RMDN2: variants seen among roughly 807,000 people sequenced by gnomAD.
The protein encoded by RMDN2 is regulator of microtubule dynamics protein 2.
A neutral mutation model predicts 52.8 loss-of-function variants in RMDN2; 61 were observed. The ratio of observed to expected loss-of-function variants is 1.16; its 90% confidence interval spans 0.94 to 1.43. The LOEUF is 1.43. RMDN2 is among the 40% of genes most tolerant of loss of function. The pLI, the probability that RMDN2 is intolerant of heterozygous loss-of-function variation, is 0.00. For synonymous variants in RMDN2, 180 were observed against 153.1 expected (o/e 1.18, Z -1.30); for missense variants, 592 against 475.3 (o/e 1.25, Z -2.28).
At chr2:38,060,959 C>T (rs1433485147) in intron 10 of RMDN2, among the ~76,000 whole-genome samples, 2 of 152,138 alleles carry the variant, frequency 1.3e-5, no homozygotes, top group Non-Finnish European at 2.9e-5. Context: ...AAAGGCTAGA[C>T]ATAGTGTAGA....
chr2:38,017,301 T>A lies in RMDN2; in HGVS notation c.*62T>A, dbSNP rs1284140883. The A allele has an allele frequency of 1.9e-5, 28 of 1,470,652 alleles. No individual in the cohort carries two copies. The highest frequency in any genetic ancestry group is 2.4e-5 in the Non-Finnish European group (27 of 1,107,074). The allele number at this position is 1,470,652 out of a possible 1,614,324, so 91.1% of individuals were successfully genotyped here. A position where few individuals can be genotyped will look rare whatever the true frequency, so the allele number is the denominator to read the frequency against. On this transcript the variant is annotated 3_prime_UTR_variant, in exon 11 of 11. Transcript: ENST00000354545. ...CTACCAAAATTTAAATGAATCAAAG[T>A]TGTGCTTTTATTATCCTTCATTTTT...
chr2:37,988,409 C>G (rs1450599278), intron 5 of RMDN2, among the ~76,000 whole-genome samples: 5 of 152,038 alleles, frequency 3.3e-5, no homozygotes, highest in East Asian at 1.9e-4. Context: ...TGATATGGTC[C>G]TCCTCCTTGC....
chr2:38,050,298 C>T (rs1681510450), intron 10 of RMDN2, among the ~76,000 whole-genome samples: 1 of 151,890 alleles, frequency 6.6e-6, no homozygotes. Flanking sequence ...TTCTGTCTCC[C>T]TGCTGCACCA....
chr2:38,033,425 G>A (rs1044439714), intron 10 of RMDN2, among the ~76,000 whole-genome samples: 1 of 152,092 alleles, frequency 6.6e-6, no homozygotes, highest in African/African-American at 2.4e-5. Context: ...GTTGGAAGGG[G>A]GATGAAAGTC....
intron 10 of RMDN2, among the ~76,000 whole-genome samples, chr2:38,044,221 C>T (rs947180152): frequency 4.6e-5 from 7 of 151,934 alleles, no homozygotes; most frequent in Admixed American, 1.3e-4. Context: ...ATTTTACACT[C>T]TTCTTCCTTG....
At position 37,929,507 on chromosome 2, in the gene RMDN2, A is replaced by G; in HGVS notation, c.230A>G (p.Glu77Gly). The G allele has an allele frequency of 6.4e-7, 1 of 1,551,150 alleles. No individual in the cohort carries two copies. The highest frequency in any genetic ancestry group is 8.7e-7 in the Non-Finnish European group (1 of 1,146,316). Residue 77 changes from glutamate to glycine, a missense_variant, in exon 2 of 11, where the codon GAG (glutamate) becomes GGG (glycine). Physicochemically the swap from Glu to Gly is moderately conservative, Grantham distance 98. Coordinates refer to ENST00000354545, the MANE Select transcript of RMDN2 (RefSeq NM_001170791.3). ...IFQERQLQILEKLNELLTNME... is the reference protein window; with the variant it reads ...IFQERQLQILGKLNELLTNME... ...CAAGAAAGGCAACTTCAGATACTGGAGAAGTTAAACGAATTACTGACAAAT... is the reference window on the plus strand; with the variant it reads ...CAAGAAAGGCAACTTCAGATACTGGGGAAGTTAAACGAATTACTGACAAAT...
chr2:38,007,525 T>A (rs1281123051), intron 10 of RMDN2, among the ~76,000 whole-genome samples: 1 of 152,230 alleles, frequency 6.6e-6, no homozygotes, highest in African/African-American at 2.4e-5. Context: ...GATGGTAGTT[T>A]GTATTTCTGT....
At chr2:38,029,443 CTTCG>C (rs1202957404) in intron 10 of RMDN2, 1 of 151,936 alleles carries the variant, frequency 6.6e-6, no homozygotes, top group African/African-American at 2.4e-5. Context: ...TTTTTTGCAT[CTTCG>C]TTTAGTTTGA....
At chr2:37,990,551 T>A (rs1016566354) in intron 6 of RMDN2, among the ~76,000 whole-genome samples, 1 of 147,968 alleles carries the variant, frequency 6.8e-6, no homozygotes, top group Non-Finnish European at 1.5e-5. Context: ...AAAGGCCTTT[T>A]GGTCATAAGC....
chr2:38,029,403 G>A (rs1322055267), intron 10 of RMDN2: 1 of 152,054 alleles, frequency 6.6e-6, no homozygotes, highest in Non-Finnish European at 1.5e-5. Flanking sequence ...AGCCAGTTGT[G>A]CTCTCACCCA....
At chr2:38,049,596 A>C (rs1681467632) in intron 10 of RMDN2, among the ~76,000 whole-genome samples, 1 of 152,206 alleles carries the variant, frequency 6.6e-6, no homozygotes, top group South Asian at 2.1e-4. Flanking sequence ...TTTTAGAGCC[A>C]AGGTCTCACT....
At chr2:37,963,724 C>T (rs899150454) in intron 2 of RMDN2, among the ~76,000 whole-genome samples, 5 of 152,254 alleles carry the variant, frequency 3.3e-5, no homozygotes, top group African/African-American at 1.2e-4. Flanking sequence ...TCTTTCTACA[C>T]AGACACAGCA....
At position 38,017,311 on chromosome 2, in the gene RMDN2, A is replaced by T. The variant is rs371054401; in HGVS notation, c.*72A>T. On this transcript the variant is annotated 3_prime_UTR_variant, in exon 11 of 11. Coordinates refer to ENST00000354545, the MANE Select transcript of RMDN2 (RefSeq NM_001170791.3). ...TTAAATGAATCAAAGTTGTGCTTTT[A>T]TTATCCTTCATTTTTGATGTAAGGG... is the stretch of plus-strand genomic sequence containing the variant. 22 of 1,457,062 alleles carry T rather than the reference A, an allele frequency of 1.5e-5. No homozygotes were observed. The highest frequency in any genetic ancestry group is 9.1e-6 in the Non-Finnish European group (10 of 1,100,318). 90.3% of individuals were successfully genotyped at this position (1,457,062 alleles called of 1,614,324 possible).
chr2:37,977,850 C>T (rs944560560), intron 4 of RMDN2, among the ~76,000 whole-genome samples: 1 of 151,626 alleles, frequency 6.6e-6, no homozygotes, highest in East Asian at 1.9e-4. Context: ...GGCGGCCGGG[C>T]AGAGGGGCTC....
chr2:37,962,440 A>T (rs1313373406), intron 2 of RMDN2, among the ~76,000 whole-genome samples: 2 of 152,276 alleles, frequency 1.3e-5, no homozygotes, highest in East Asian at 3.9e-4. Flanking sequence ...GCTTTGCTGC[A>T]CTGCAGTGGG....
intron 5 of RMDN2, among the ~76,000 whole-genome samples, chr2:37,989,228 G>T (rs1207527294): frequency 6.6e-6 from 1 of 152,130 alleles, no homozygotes; most frequent in Non-Finnish European, 1.5e-5. Flanking sequence ...TATTGATGAT[G>T]ATGATAGCGG....
chr2:38,017,150 A>G (rs367999873), intron 10 of RMDN2, 36 bp from the exon 11 acceptor site: 27 of 1,352,806 alleles, frequency 2.0e-5, no homozygotes, highest in Non-Finnish European at 2.7e-5. Flanking sequence ...AGATGAATGC[A>G]TGAAATTTCA....
At chr2:37,998,305 T>A (rs926816416) in intron 8 of RMDN2, 1 of 152,290 alleles carries the variant, frequency 6.6e-6, no homozygotes, top group Non-Finnish European at 1.5e-5. Flanking sequence ...GGTAGGAGGA[T>A]TGCTTGAGGC....
At chr2:37,967,376 T>C (rs892419024) in intron 2 of RMDN2, among the ~76,000 whole-genome samples, 1 of 152,204 alleles carries the variant, frequency 6.6e-6, no homozygotes, top group Non-Finnish European at 1.5e-5. Context: ...AAGCATTTCT[T>C]TAAGGAATCA....
Sources: allele counts gnomAD v4.1 joint callset (sites outside exome capture counted in the v4.1 genomes callset), GRCh38; gene constraint gnomAD v4.1.1; transcripts MANE v1.5; gene names NCBI Gene and HGNC (gene_info 2026-07-23, HGNC 2026-07-21).